VANGL1: variants seen among roughly 807,000 people sequenced by gnomAD.
VANGL1 encodes VANGL planar cell polarity protein 1, also known as vang-like protein 1.
Under a neutral mutation model 48.4 loss-of-function variants are expected in VANGL1, and 18 were observed. That is an observed-to-expected ratio of 0.37 (90% CI 0.26 to 0.55). VANGL1 has a LOEUF of 0.55. Ranked by LOEUF, VANGL1 falls within the 20% of genes least tolerant of loss-of-function variation. The pLI, the probability that VANGL1 is intolerant of heterozygous loss-of-function variation, is 0.81. For synonymous variants in VANGL1, 257 were observed against 261.8 expected (o/e 0.98, Z 0.18); for missense variants, 667 against 675.8 (o/e 0.99, Z 0.14).
At chr1:115,670,941 G>GA (rs1023976873) in intron 4 of VANGL1, 3 of 152,594 alleles carry the variant, frequency 2.0e-5, no homozygotes, top group African/African-American at 7.2e-5. Flanking sequence ...TTGAAGGCGG[G>GA]AGTGGAGCTG....
chr1:115,685,079 T>C (rs1570773436), intron 6 of VANGL1, among the ~76,000 whole-genome samples: 1 of 152,172 alleles, frequency 6.6e-6, no homozygotes, highest in African/African-American at 2.4e-5. Flanking sequence ...CCCCAACCCC[T>C]GGGGCCCCTG....
chr1:115,650,408 A>G (rs930471475), intron 1 of VANGL1, among the ~76,000 whole-genome samples: 7 of 152,282 alleles, frequency 4.6e-5, no homozygotes, highest in South Asian at 4.1e-4. Context: ...AATGTTTCCA[A>G]TTTATTTTTA....
chr1:115,659,122 C>T (rs184448884), intron 2 of VANGL1, among the ~76,000 whole-genome samples: 3 of 152,226 alleles, frequency 2.0e-5, no homozygotes, highest in Admixed American at 2.0e-4. Context: ...ATTCTTTGTA[C>T]TGACTTTGAA....
Position 115,697,495 on chromosome 1 carries a change from A to G in VANGL1, c.*6116A>G, listed in dbSNP as rs1470536486. 1 of 152,230 alleles carries G rather than the reference A, an allele frequency of 6.6e-6. No homozygotes were observed. The highest frequency in any genetic ancestry group is 6.5e-5 in the Admixed American group (1 of 15,290). 9.4% of individuals were successfully genotyped at this position (152,230 alleles called of 1,614,324 possible). A position where few individuals can be genotyped will look rare whatever the true frequency, so the allele number is the denominator to read the frequency against. On this transcript the variant is annotated 3_prime_UTR_variant, in exon 8 of 8. Coordinates refer to ENST00000355485, the MANE Select transcript of VANGL1 (RefSeq NM_138959.3). ...TGATTTCCAACAGTCATTTATGGCC[A>G]TAACTATTGCATAGAGTGCAGGATG... is the stretch of plus-strand genomic sequence containing the variant.
intron 7 of VANGL1, among the ~76,000 whole-genome samples, chr1:115,688,993 G>T (rs1277599562): frequency 7.4e-6 from 1 of 134,838 alleles, no homozygotes; most frequent in Admixed American, 7.7e-5. Context: ...GGGTTTCACC[G>T]TGTTAGCCAG....
intron 7 of VANGL1, 36 bp downstream of exon 7, chr1:115,685,563 C>T: frequency 6.2e-7 from 1 of 1,605,194 alleles, no homozygotes; most frequent in Non-Finnish European, 8.5e-7. Context: ...CACCGTCATC[C>T]TGGCTTGTCA....
At chr1:115,645,653 T>A (rs900841348) in intron 1 of VANGL1, among the ~76,000 whole-genome samples, 1 of 152,178 alleles carries the variant, frequency 6.6e-6, no homozygotes, top group Admixed American at 6.5e-5. Context: ...TTATTTCAAT[T>A]GTCACTTTCC....
In VANGL1 at chr1:115,693,745, A is replaced by G. The variant is rs574291338; in HGVS notation, c.*2366A>G. 2.0e-5 allele frequency: 3 copies of G among 152,222 alleles called. No homozygotes were observed. Among genetic ancestry groups the G allele is most frequent in the Admixed American group, 2.0e-4 (3 of 15,280 alleles). The allele number at this position is 152,222 out of a possible 1,614,324, so 9.4% of individuals were successfully genotyped here. On this transcript the variant is annotated 3_prime_UTR_variant, in exon 8 of 8. Transcript: ENST00000355485. The stretch of plus-strand genomic sequence containing the variant: ...TTGAGTTACTTTTGCAGTGGGAACA[A>G]TGTAAATGACATTTAAAAGATTTAA...
At chr1:115,646,083 T>C (rs114648579) in intron 1 of VANGL1, among the ~76,000 whole-genome samples, 1,580 of 152,272 alleles carry the variant, frequency 0.01, 27 homozygotes, top group African/African-American at 0.036. Context: ...TCATATTAAG[T>C]AGTAGGATTT....
intron 4 of VANGL1, among the ~76,000 whole-genome samples, chr1:115,669,966 T>C (rs188808018): frequency 2.0e-5 from 3 of 152,330 alleles, no homozygotes; most frequent in Admixed American, 2.0e-4. Context: ...AATTCATATG[T>C]GGAAGCCCTA....
At chr1:115,663,302 T>C (rs765074473) in intron 3 of VANGL1, among the ~76,000 whole-genome samples, 6 of 152,202 alleles carry the variant, frequency 3.9e-5, no homozygotes, top group Admixed American at 6.5e-5. Context: ...TCTCACAAGA[T>C]TAGTCTAATA....
chr1:115,694,134 A>G lies in VANGL1; in HGVS notation c.*2755A>G, dbSNP rs1305833612. ...CTGAATGTTAAAAAGTTCTGTATGC[A>G]TTCTCAGAGAGGATTTTAAAGCTAT... is the stretch of plus-strand genomic sequence containing the variant. On this transcript the variant is annotated 3_prime_UTR_variant, in exon 8 of 8. Transcript: ENST00000355485. The G allele has an allele frequency of 6.6e-6, 1 of 152,242 alleles. No homozygotes were observed. Among genetic ancestry groups the G allele is most frequent in the Admixed American group, 6.5e-5 (1 of 15,294 alleles). The allele number at this position is 152,242 out of a possible 1,614,324, so 9.4% of individuals were successfully genotyped here.
chr1:115,651,323 C>T lies in VANGL1; in HGVS notation c.-91C>T. On this transcript the variant is annotated 5_prime_UTR_variant, in exon 2 of 8. Coordinates refer to ENST00000355485, the MANE Select transcript of VANGL1 (RefSeq NM_138959.3). ...GGCTCCTCTTCTAATTTCCAGACTC[C>T]TTGAGGTTTTAGGAGTCTGGTAGGT... The T allele has an allele frequency of 8.8e-7, 1 of 1,130,460 alleles. No individual in the cohort carries two copies. The highest frequency in any genetic ancestry group is 2.5e-5 in the East Asian group (1 of 40,498). 70.0% of individuals were successfully genotyped at this position (1,130,460 alleles called of 1,614,324 possible). A position where few individuals can be genotyped will look rare whatever the true frequency, so the allele number is the denominator to read the frequency against.
chr1:115,674,981 T>A (rs1425680607), intron 4 of VANGL1, among the ~76,000 whole-genome samples: 2 of 152,140 alleles, frequency 1.3e-5, no homozygotes, highest in Non-Finnish European at 2.9e-5. Context: ...CACATTTTTT[T>A]AGGCTTTGGT....
In VANGL1 at chr1:115,696,535, G is replaced by A. The variant is rs1654035930; in HGVS notation, c.*5156G>A. The A allele has an allele frequency of 6.6e-6, 1 of 152,206 alleles. No homozygotes were observed. Among genetic ancestry groups the A allele is most frequent in the African/African-American group, 2.4e-5 (1 of 41,446 alleles). 9.4% of individuals were successfully genotyped at this position (152,206 alleles called of 1,614,324 possible). A position where few individuals can be genotyped will look rare whatever the true frequency, so the allele number is the denominator to read the frequency against. On this transcript the variant is annotated 3_prime_UTR_variant, in exon 8 of 8. Coordinates refer to ENST00000355485, the MANE Select transcript of VANGL1 (RefSeq NM_138959.3). Reference sequence around the variant, plus strand: ...TGCTTTCAATGGAAGACAGTAAAGGGAAGATGGTGCTCACATCTCTCCATG... The same window carrying A: ...TGCTTTCAATGGAAGACAGTAAAGGAAAGATGGTGCTCACATCTCTCCATG...
At chr1:115,648,459 C>G (rs1292190177) in intron 1 of VANGL1, among the ~76,000 whole-genome samples, 4 of 152,296 alleles carry the variant, frequency 2.6e-5, no homozygotes, top group Admixed American at 2.6e-4. Context: ...TAGATAAAGC[C>G]TTTCCCTGGA....
intron 3 of VANGL1, among the ~76,000 whole-genome samples, chr1:115,663,051 C>T (rs992650178): frequency 3.3e-5 from 5 of 152,144 alleles, no homozygotes; most frequent in South Asian, 2.1e-4. Context: ...TTCCAAAGTA[C>T]GGGGATTACA....
At chr1:115,677,690 G>A (rs917658676) in intron 4 of VANGL1, among the ~76,000 whole-genome samples, 4 of 152,200 alleles carry the variant, frequency 2.6e-5, no homozygotes, top group African/African-American at 7.2e-5. Context: ...CACCAGTTGA[G>A]CACAGAGTCC....
chr1:115,651,906 A>G (rs1206156471), intron 2 of VANGL1, among the ~76,000 whole-genome samples: 1 of 151,942 alleles, frequency 6.6e-6, no homozygotes, highest in African/African-American at 2.4e-5. Flanking sequence ...ACAGGCGCCC[A>G]CCACCACGCC....
Sources: gnomAD v4.1 joint callset for allele counts (sites outside exome capture counted in the v4.1 genomes callset) on GRCh38, gnomAD v4.1.1 for gene constraint, MANE v1.5 for transcripts, NCBI Gene and HGNC (gene_info 2026-07-23, HGNC 2026-07-21) for gene names.